Variants in LILRB3 observed in about 807,000 individuals in gnomAD.
The protein encoded by LILRB3 is leukocyte immunoglobulin like receptor B3.
LILRB3 carries 32 observed loss-of-function variants against 68.2 expected under a neutral mutation model. The ratio of observed to expected loss-of-function variants is 0.47; its 90% CI spans 0.35 to 0.63. The LOEUF is 0.63. Ranked by LOEUF, LILRB3 falls within the 30% of genes least tolerant of loss-of-function variation. LILRB3 has a pLI of 0.00. For synonymous variants in LILRB3, 185 were observed against 323.1 expected, an observed-to-expected ratio of 0.57 and a Z score of 4.58; for missense variants, 502 against 791.3, an observed-to-expected ratio of 0.63 and a Z score of 4.39.
chr19:54,219,924 G>A (rs1455669138), intron 7 of LILRB3: 30 of 1,528,862 alleles, frequency 2.0e-5, no homozygotes, highest in Non-Finnish European at 2.6e-5. Flanking sequence ...GACCTCCTGG[G>A]TCAGGACAGG....
chr19:54,221,134 G>T (rs776588938), exon 5 of LILRB3: 1 of 1,151,592 alleles, frequency 8.7e-7, no homozygotes, highest in Non-Finnish European at 1.2e-6. Flanking sequence ...TCGGAGGAGA[G>T]GTTGTGTGCA....
rs1350775919 is a variant in LILRB3, at chr19:54,218,642, T to TA, written c.1540+2dup. ...CCCCATTTGTCCCCTCTCTTCCTCT[T>TA]ACAGAGGTTTTCTTCCTGGACGTCA... On this transcript the variant is annotated splice_region_variant and intron_variant, in intron 10 of 12. Coordinates refer to ENST00000445347, the Ensembl canonical transcript of LILRB3. The TA allele has an allele frequency of 6.2e-7, 1 of 1,614,132 alleles. No homozygotes were observed. Among genetic ancestry groups the TA allele is most frequent in the South Asian group, 1.1e-5 (1 of 91,074 alleles).
chr19:54,216,926 G>T, exon 13 of LILRB3: 1 of 1,456,246 alleles, frequency 6.9e-7, no homozygotes. Context: ...GACGATATTA[G>T]TCATCTTTGA....
rs756606834 is a variant in LILRB3 at position 54,216,311 on chromosome 19, CT to C, written c.*781del. The stretch of plus-strand genomic sequence containing the variant: ...TGCTTCTTTTTTATTTTTTTTCTTT[CT>C]TTTTTTTTTTTTTTCGAGACGGAAT... On this transcript the variant is annotated 3_prime_UTR_variant, in exon 13 of 13. Coordinates refer to ENST00000445347, the Ensembl canonical transcript of LILRB3. 964 of 137,590 alleles carry C rather than the reference CT, an allele frequency of 7.0e-3. 6 individuals carry two copies. Among genetic ancestry groups the C allele is most frequent in the African/African-American group, 0.013 (478 of 37,596 alleles). The allele number at this position is 137,590 out of a possible 1,614,324, so 8.5% of individuals were successfully genotyped here.
chr19:54,219,942 A>G lies in LILRB3; in HGVS notation c.1309+213T>C, dbSNP rs189905734. 7.4e-4 allele frequency: 998 copies of G among 1,346,930 alleles called. 19 individuals carry two copies. The African/African-American group carries it at 0.013, about 17-fold the overall frequency. 83.4% of individuals were successfully genotyped at this position (1,346,930 alleles called of 1,614,324 possible). On this transcript the variant is annotated intron_variant, in intron 7 of 12. Coordinates refer to ENST00000445347, the Ensembl canonical transcript of LILRB3. Reference sequence around the variant, plus strand: ...CTCCTGGGTCAGGACAGGGAGGTGAAGGCTGGGGCTGTCTTGCCCCCCACA... The same window carrying G: ...CTCCTGGGTCAGGACAGGGAGGTGAGGGCTGGGGCTGTCTTGCCCCCCACA...
At chr19:54,218,395 G>C in exon 11 of LILRB3, 9 of 1,614,198 alleles carry the variant, frequency 5.6e-6, no homozygotes, top group Non-Finnish European at 7.6e-6. Flanking sequence ...CTCAGACTGT[G>C]TGTCCTTCAC....
At chr19:54,218,367 G>A in exon 11 of LILRB3, 3 of 1,614,156 alleles carry the variant, frequency 1.9e-6, no homozygotes, top group Non-Finnish European at 2.5e-6. Flanking sequence ...TCACCTGACT[G>A]TCCAGCTCCA....
chr19:54,219,645 T>C lies in LILRB3; in HGVS notation c.1310-400A>G, dbSNP rs1189302197. 4.7e-6 allele frequency: 7 copies of C among 1,487,970 alleles called. No individual in the cohort carries two copies. In the African/African-American group the frequency reaches 8.4e-5, roughly 18 times the overall value. 92.2% of individuals were successfully genotyped at this position (1,487,970 alleles called of 1,614,324 possible). On this transcript the variant is annotated intron_variant, in intron 7 of 12. Coordinates refer to ENST00000445347, the Ensembl canonical transcript of LILRB3. The stretch of plus-strand genomic sequence containing the variant: ...CCCCTGTGGAATCGGGTCTGGGAGG[T>C]TCCCTGGGAGGCCTCCTCTCCCAGG...
chr19:54,216,795 G>A, exon 13 of LILRB3: 1 of 1,271,102 alleles, frequency 7.9e-7, no homozygotes. Context: ...TGTGTTCAAG[G>A]AATCCTCCCC....
exon 13 of LILRB3, chr19:54,217,005 T>C (rs921509767): frequency 6.2e-7 from 1 of 1,606,044 alleles, no homozygotes; most frequent in Admixed American, 1.7e-5. Flanking sequence ...CTGACTGGGG[T>C]TCACTGGTGT....
chr19:54,222,708 TGAG>T (rs1457763440), intron 2 of LILRB3, 36 bp downstream of exon 2: 12 of 1,612,394 alleles, frequency 7.4e-6, no homozygotes, highest in South Asian at 1.1e-5. Flanking sequence ...CCTGTCCCAG[TGAG>T]GAGTAGGGAC....
rs554615437 is a variant in LILRB3 at position 54,216,631 on chromosome 19, CCATGT to C, written c.*457_*461del. On this transcript the variant is annotated 3_prime_UTR_variant, in exon 13 of 13. Coordinates refer to ENST00000445347, the Ensembl canonical transcript of LILRB3. The stretch of plus-strand genomic sequence containing the variant: ...GGCCTATTTATGCTTCTTAATTTTC[CCATGT>C]CATAAGTTCGATGTATAATATTTAC... 1.2e-3 allele frequency: 1,214 copies of C among 1,014,904 alleles called. 7 individuals are homozygous for C. The African/African-American group carries it at 0.019, about 16-fold the overall frequency. 62.9% of individuals were successfully genotyped at this position (1,014,904 alleles called of 1,614,324 possible).
At chr19:54,217,728 G>C (rs933933144) in intron 11 of LILRB3, 12 of 686,932 alleles carry the variant, frequency 1.7e-5, no homozygotes, top group Non-Finnish European at 2.7e-5. Flanking sequence ...GGGGGCCTTT[G>C]CACGGCTGTT....
chr19:54,219,623 C>G (rs1213548519), intron 7 of LILRB3: 2 of 1,519,976 alleles, frequency 1.3e-6, no homozygotes, highest in East Asian at 4.9e-5. Context: ...GGACAGGCCC[C>G]TGTGGAATCG....
intron 10 of LILRB3, 116 bp from the exon 11 acceptor site, chr19:54,218,529 G>A: frequency 6.2e-7 from 1 of 1,602,790 alleles, no homozygotes; most frequent in Non-Finnish European, 8.5e-7. Context: ...CCACAGTGTG[G>A]GGCAAGACCA....
chr19:54,218,775 C>T (rs1478272750), exon 9 of LILRB3: 1 of 1,614,096 alleles, frequency 6.2e-7, no homozygotes, highest in Non-Finnish European at 8.5e-7. Flanking sequence ...CCTCAGCAGG[C>T]CCCTGTCCTT....
exon 13 of LILRB3, chr19:54,217,081 G>C (rs921482438): frequency 1.9e-6 from 3 of 1,613,964 alleles, no homozygotes; most frequent in East Asian, 2.2e-5. Flanking sequence ...TGGGGTCTGC[G>C]TACCCCCCGG....
intron 9 of LILRB3, 24 bp from the exon 10 acceptor site, chr19:54,218,706 A>C: frequency 6.2e-7 from 1 of 1,614,000 alleles, no homozygotes; most frequent in East Asian, 2.2e-5. Context: ...TGGGAGTGTG[A>C]GGGGCAGTGT....
chr19:54,222,917 T>A (rs2078352143), intron 1 of LILRB3, 26 bp downstream of exon 1: 1 of 1,612,396 alleles, frequency 6.2e-7, no homozygotes, highest in Non-Finnish European at 8.5e-7. Context: ...GACTCGGATC[T>A]CCCCCTCCCC....
Sources: allele counts gnomAD v4.1 joint callset, GRCh38; gene constraint gnomAD v4.1.1; transcripts MANE v1.5; gene names NCBI Gene and HGNC (gene_info 2026-07-23, HGNC 2026-07-21).